GRIN2A: variants seen among roughly 807,000 people sequenced by gnomAD.
GRIN2A encodes the protein glutamate ionotropic receptor NMDA type subunit 2A, also known as glutamate receptor ionotropic, NMDA 2A.
Under a neutral mutation model 113.4 loss-of-function variants are expected in GRIN2A, and 22 were observed. The ratio of observed to expected loss-of-function variants is 0.19; its 90% confidence interval spans 0.14 to 0.28. The LOEUF (loss-of-function observed/expected upper bound fraction) is 0.28, where lower values mean the gene tolerates loss of function less well. Among genes scored for constraint, GRIN2A ranks in the 10% least tolerant of loss-of-function variants. The probability of loss-of-function intolerance (pLI) is 1.00; values close to 1 mark genes in which losing one functional copy is unlikely to be tolerated. For synonymous variants in GRIN2A, 827 were observed against 738.4 expected, an observed-to-expected ratio of 1.12 and a Z score of -1.94; for missense variants, 1,502 against 1,887.0, an observed-to-expected ratio of 0.80 and a Z score of 3.78.
intron 2 of GRIN2A, among the ~76,000 whole-genome samples, chr16:10,124,756 A>G (rs1173933156): frequency 6.6e-6 from 1 of 152,230 alleles, no homozygotes; most frequent in Non-Finnish European, 1.5e-5. Context: ...ACTCTCAAGG[A>G]GCAACCATTT....
chr16:10,049,295 A>C (rs558138082), intron 2 of GRIN2A, among the ~76,000 whole-genome samples: 1 of 152,244 alleles, frequency 6.6e-6, no homozygotes, highest in South Asian at 2.1e-4. Context: ...TATCTCAGGC[A>C]CTGTGCTAAG....
intron 2 of GRIN2A, among the ~76,000 whole-genome samples, chr16:10,031,113 C>A (rs2046920805): frequency 6.6e-6 from 1 of 152,198 alleles, no homozygotes; most frequent in African/African-American, 2.4e-5. Context: ...GTTCACGTCA[C>A]TTCCCAGATC....
At chr16:9,847,225 A>G (rs1179783924) in intron 5 of GRIN2A, among the ~76,000 whole-genome samples, 1 of 152,154 alleles carries the variant, frequency 6.6e-6, no homozygotes, top group Non-Finnish European at 1.5e-5. Context: ...AAGGAAAGGG[A>G]CAGCCAGAAA....
At chr16:10,011,539 C>G (rs905298288) in intron 2 of GRIN2A, among the ~76,000 whole-genome samples, 1 of 152,174 alleles carries the variant, frequency 6.6e-6, no homozygotes. Flanking sequence ...AGGAAAAACA[C>G]AAGGTCAGGG....
intron 2 of GRIN2A, among the ~76,000 whole-genome samples, chr16:10,115,718 G>C (rs1367109179): frequency 6.6e-6 from 1 of 152,204 alleles, no homozygotes; most frequent in East Asian, 1.9e-4. Flanking sequence ...TTGTGTGAAT[G>C]GGGTATGGGG....
At chr16:10,074,691 G>A (rs1484459372) in intron 2 of GRIN2A, among the ~76,000 whole-genome samples, 1 of 152,178 alleles carries the variant, frequency 6.6e-6, no homozygotes, top group Non-Finnish European at 1.5e-5. Context: ...CAAATCCATA[G>A]AGACAAAAAG....
chr16:9,781,546 A>G (rs1901935772), intron 11 of GRIN2A, among the ~76,000 whole-genome samples: 1 of 152,078 alleles, frequency 6.6e-6, no homozygotes, highest in African/African-American at 2.4e-5. Context: ...TTTTTTGTAG[A>G]GATGGGGTCT....
chr16:9,949,863 G>A (rs1292708871), intron 2 of GRIN2A, among the ~76,000 whole-genome samples: 3 of 152,090 alleles, frequency 2.0e-5, no homozygotes, highest in African/African-American at 7.2e-5. Context: ...AAAGGCAGTG[G>A]CTGAGTTAGT....
At chr16:9,809,475 G>C (rs1294833883) in intron 10 of GRIN2A, among the ~76,000 whole-genome samples, 3 of 151,292 alleles carry the variant, frequency 2.0e-5, no homozygotes. Context: ...AAGTCTTGGA[G>C]AAATGGAACG....
At chr16:10,141,049 C>T (rs1445392128) in intron 2 of GRIN2A, among the ~76,000 whole-genome samples, 1 of 152,000 alleles carries the variant, frequency 6.6e-6, no homozygotes, top group African/African-American at 2.4e-5. Flanking sequence ...AAATAAGCAA[C>T]CAGGCATGGT....
chr16:10,133,089 T>A (rs1412683258), intron 2 of GRIN2A, among the ~76,000 whole-genome samples: 6 of 152,222 alleles, frequency 3.9e-5, no homozygotes, highest in Non-Finnish European at 7.3e-5. Flanking sequence ...GCCCACCAGA[T>A]AATTTTGGAT....
chr16:10,107,647 G>C (rs899014183), intron 2 of GRIN2A, among the ~76,000 whole-genome samples: 1 of 152,196 alleles, frequency 6.6e-6, no homozygotes, highest in South Asian at 2.1e-4. Flanking sequence ...GATCCCTAAA[G>C]GTCCCGTCCT....
chr16:9,868,247 A>G (rs191622006), intron 4 of GRIN2A, among the ~76,000 whole-genome samples: 1 of 152,134 alleles, frequency 6.6e-6, no homozygotes, highest in East Asian at 1.9e-4. Flanking sequence ...CCATTCTCCA[A>G]ACAGCAGCCC....
intron 2 of GRIN2A, among the ~76,000 whole-genome samples, chr16:10,151,739 T>C (rs1359612337): frequency 6.6e-6 from 1 of 152,160 alleles, no homozygotes; most frequent in East Asian, 1.9e-4. Context: ...CAAAGAAATT[T>C]CAAATCCATT....
chr16:10,053,338 C>T (rs2047391506), intron 2 of GRIN2A, among the ~76,000 whole-genome samples: 1 of 152,164 alleles, frequency 6.6e-6, no homozygotes. Flanking sequence ...TTTTGTTGAA[C>T]ATCTACCACA....
intron 2 of GRIN2A, among the ~76,000 whole-genome samples, chr16:9,991,947 G>A (rs2046123260): frequency 6.6e-6 from 1 of 152,160 alleles, no homozygotes. Context: ...AATGCCTAAT[G>A]CATGCGGGGC....
intron 2 of GRIN2A, chr16:10,111,634 A>C: frequency 1.3e-6 from 2 of 1,495,756 alleles, no homozygotes; most frequent in South Asian, 2.3e-5. Context: ...GATGGCTCTG[A>C]TGGGAGGTAT....
intron 2 of GRIN2A, among the ~76,000 whole-genome samples, chr16:10,059,346 G>T (rs2047510486): frequency 6.6e-6 from 1 of 152,166 alleles, no homozygotes; most frequent in Middle Eastern, 3.4e-3. Context: ...ATAATTGATA[G>T]AAGAGACCAG....
intron 7 of GRIN2A, among the ~76,000 whole-genome samples, chr16:9,839,314 A>G (rs1392675311): frequency 6.6e-6 from 1 of 152,154 alleles, no homozygotes; most frequent in Non-Finnish European, 1.5e-5. Context: ...TAGCCAGGCT[A>G]CCCAATACAG....
Sources: gnomAD v4.1 joint callset for allele counts (sites outside exome capture counted in the v4.1 genomes callset) on GRCh38, gnomAD v4.1.1 for gene constraint, MANE v1.5 for transcripts, NCBI Gene and HGNC (gene_info 2026-07-23, HGNC 2026-07-21) for gene names.